Variants in NT5C2 observed in about 807,000 individuals in gnomAD.
The protein encoded by NT5C2 is cytosolic purine 5'-nucleotidase.
NT5C2 carries 58 observed loss-of-function variants against 76.1 expected under a neutral mutation model. The ratio of observed to expected loss-of-function variants is 0.76; its 90% CI spans 0.62 to 0.95. The LOEUF (loss-of-function observed/expected upper bound fraction) is 0.95, where lower values mean the gene tolerates loss of function less well. NT5C2 is among the 40% of genes least tolerant of loss of function. NT5C2 has a pLI of 0.00. For missense variants in NT5C2, 478 were observed against 690.3 expected (o/e 0.69, Z 3.45); for synonymous variants, 229 against 237.4 (o/e 0.96, Z 0.32).
chr10:103,106,561 T>A (rs1448343035), intron 5 of NT5C2, 28 bp downstream of exon 5: 1 of 1,424,494 alleles, frequency 7.0e-7, no homozygotes, highest in Non-Finnish European at 9.9e-7. Flanking sequence ...TAATCTAGTC[T>A]TAATCCAAAA....
chr10:103,154,353 G>C (rs2082944919), intron 3 of NT5C2, among the ~76,000 whole-genome samples: 1 of 151,714 alleles, frequency 6.6e-6, no homozygotes, highest in South Asian at 2.1e-4. Flanking sequence ...TGTTTAAATA[G>C]TTACTAAGTA....
Position 103,088,720 on chromosome 10 carries a change from C to CTGAT in NT5C2, c.*948_*951dup, listed in dbSNP as rs1274888422. The CTGAT allele has an allele frequency of 3.9e-5, 7 of 178,256 alleles. No individual in the cohort carries two copies. Among genetic ancestry groups the CTGAT allele is most frequent in the African/African-American group, 1.2e-4 (5 of 42,312 alleles). The allele number at this position is 178,256 out of a possible 1,614,324, so 11.0% of individuals were successfully genotyped here. A position where few individuals can be genotyped will look rare whatever the true frequency, so the allele number is the denominator to read the frequency against. On this transcript the variant is annotated 3_prime_UTR_variant, in exon 19 of 19. Transcript: ENST00000404739. ...AGATTCTGAAGTGAATTTATTCACA[C>CTGAT]TGATTGTGCCCTCTACTTTAGTAAG...
intron 3 of NT5C2, among the ~76,000 whole-genome samples, chr10:103,150,457 G>A (rs921415146): frequency 2.0e-5 from 3 of 152,024 alleles, no homozygotes; most frequent in Admixed American, 1.3e-4. Flanking sequence ...TCCAGCTTTC[G>A]ACTATTATAA....
At chr10:103,168,418 G>A (rs1294776070) in intron 3 of NT5C2, among the ~76,000 whole-genome samples, 2 of 152,200 alleles carry the variant, frequency 1.3e-5, no homozygotes, top group African/African-American at 4.8e-5. Context: ...TCAATGTAGA[G>A]AGCAGATGAA....
intron 4 of NT5C2, among the ~76,000 whole-genome samples, chr10:103,115,796 A>T (rs1233423506): frequency 6.6e-6 from 1 of 152,148 alleles, no homozygotes; most frequent in Non-Finnish European, 1.5e-5. Context: ...CTAAGAAGTA[A>T]ATAATATACA....
At chr10:103,138,143 A>G (rs2079643283) in intron 4 of NT5C2, among the ~76,000 whole-genome samples, 8 of 152,188 alleles carry the variant, frequency 5.3e-5, no homozygotes, top group Admixed American at 4.6e-4. Context: ...CATATTTGTC[A>G]TGGAGTTTCA....
At position 103,173,976 on chromosome 10, in the gene NT5C2, A is replaced by T. The variant is rs2089075183; in HGVS notation, c.101+882T>A. On this transcript the variant is annotated intron_variant, in intron 3 of 18. Coordinates refer to ENST00000404739, the MANE Select transcript of NT5C2 (RefSeq NM_001351169.2). ...CCAGCCGTGGTGACGCACGCCTGTA[A>T]TCCCAGCTACTTGGGAGGCTGAGGC... Among the ~76,000 whole-genome samples the T allele has an allele frequency of 2.0e-5, 3 of 151,090 alleles. No individual in the cohort carries two copies. In the South Asian group the frequency reaches 6.3e-4, roughly 32 times the overall value.
chr10:103,107,714 T>C (rs1434792980), intron 4 of NT5C2, among the ~76,000 whole-genome samples: 1 of 151,770 alleles, frequency 6.6e-6, no homozygotes, highest in Non-Finnish European at 1.5e-5. Context: ...ACTAAATCTC[T>C]CCTTATCTGC....
intron 9 of NT5C2, among the ~76,000 whole-genome samples, 195 bp from the exon 10 acceptor site, chr10:103,099,179 TCCTC>T (rs1435992642): frequency 6.6e-5 from 10 of 152,180 alleles, no homozygotes; most frequent in Non-Finnish European, 1.2e-4. Flanking sequence ...GCTCAGGTGA[TCCTC>T]CCACTTCAGC....
chr10:103,100,099 C>G, intron 8 of NT5C2, 80 bp from the exon 9 acceptor site: 1 of 860,548 alleles, frequency 1.2e-6, no homozygotes, highest in Admixed American at 1.9e-5. Context: ...CCCAGGGGAC[C>G]CAAAGGTTCC....
chr10:103,179,864 A>G (rs1591825752), intron 2 of NT5C2, among the ~76,000 whole-genome samples: 2 of 152,246 alleles, frequency 1.3e-5, no homozygotes, highest in Non-Finnish European at 2.9e-5. Context: ...TTGTTTGTAT[A>G]CTTAATTTAA....
chr10:103,096,068 T>C, intron 11 of NT5C2, 88 bp from the exon 12 acceptor site: 1 of 1,001,944 alleles, frequency 1.0e-6, no homozygotes, highest in East Asian at 2.4e-5. Context: ...TCACAAAACA[T>C]GTCTTTTTCA....
At chr10:103,181,484 G>A (rs754405371) in intron 1 of NT5C2, among the ~76,000 whole-genome samples, 156 bp from the exon 2 acceptor site, 1 of 152,164 alleles carries the variant, frequency 6.6e-6, no homozygotes, top group Non-Finnish European at 1.5e-5. Context: ...TGAAACTGTA[G>A]GGTAAGCCTG....
intron 4 of NT5C2, among the ~76,000 whole-genome samples, chr10:103,134,538 C>T (rs1026062263): frequency 6.6e-6 from 1 of 152,220 alleles, no homozygotes; most frequent in African/African-American, 2.4e-5. Context: ...CCTGGATGTC[C>T]AGGCAGAAGT....
chr10:103,179,633 T>TA (rs147116877), intron 2 of NT5C2, among the ~76,000 whole-genome samples: 4,940 of 152,110 alleles, frequency 0.032, 285 homozygotes, highest in African/African-American at 0.11. Context: ...GCCCAGGAGT[T>TA]TGAGGCTGCA....
intron 4 of NT5C2, among the ~76,000 whole-genome samples, chr10:103,129,390 G>C (rs1207962280): frequency 1.7e-4 from 19 of 110,350 alleles, no homozygotes; most frequent in South Asian, 3.3e-4. Flanking sequence ...CCGTCTGGGA[G>C]GTGAGGGGCG....
At chr10:103,090,081 C>CCTG in intron 18 of NT5C2, 173 bp from the exon 19 acceptor site, 1 of 496,896 alleles carries the variant, frequency 2.0e-6, no homozygotes, top group Non-Finnish European at 3.5e-6. Context: ...CTGTCTTCCT[C>CCTG]TCTCCCTGCC....
At chr10:103,184,589 CA>C (rs1488029200) in intron 1 of NT5C2, among the ~76,000 whole-genome samples, 1 of 152,146 alleles carries the variant, frequency 6.6e-6, no homozygotes, top group African/African-American at 2.4e-5. Flanking sequence ...ACTTAACAGA[CA>C]GAAATAAATG....
intron 1 of NT5C2, among the ~76,000 whole-genome samples, chr10:103,185,063 C>A (rs1228223412): frequency 6.6e-6 from 1 of 152,178 alleles, no homozygotes; most frequent in Non-Finnish European, 1.5e-5. Context: ...TGCCATATCA[C>A]ATAGAATGCT....
Sources: gnomAD v4.1 joint callset for allele counts (sites outside exome capture counted in the v4.1 genomes callset) on GRCh38, gnomAD v4.1.1 for gene constraint, MANE v1.5 for transcripts, NCBI Gene and HGNC (gene_info 2026-07-23, HGNC 2026-07-21) for gene names.